Variants in SYT7 observed in about 807,000 individuals in gnomAD.
SYT7 encodes the protein synaptotagmin-7.
Under a neutral mutation model 75.1 loss-of-function variants are expected in SYT7, and 29 were observed. The ratio of observed to expected loss-of-function variants is 0.39; its 90% confidence interval spans 0.29 to 0.53. The LOEUF is 0.53. Among genes scored for constraint, SYT7 ranks in the 20% least tolerant of loss-of-function variants. SYT7 has a pLI of 0.77. For missense variants in SYT7, 693 were observed against 953.2 expected (o/e 0.73, Z 3.59); for synonymous variants, 376 against 401.7 (o/e 0.94, Z 0.76).
intron 8 of SYT7, among the ~76,000 whole-genome samples, chr11:61,530,018 T>C (rs1416100975): frequency 6.6e-6 from 1 of 152,198 alleles, no homozygotes; most frequent in Non-Finnish European, 1.5e-5. Context: ...TTGTCCTCAC[T>C]GACCTCTTAC....
At chr11:61,583,053 C>T (rs1048580209), upstream of SYT7, among the ~76,000 whole-genome samples, 3 of 151,928 alleles carry the variant, frequency 2.0e-5, no homozygotes, top group African/African-American at 7.3e-5. Flanking sequence ...ATGGTGAGAC[C>T]CCATATCTAC....
At position 61,524,304 on chromosome 11, in the gene SYT7, C is replaced by T. The variant is rs775968867; in HGVS notation, c.1641+59G>A. ...CCTAAGGTTGACAAGGGTCTGGGAC[C>T]AGATCTCCCAGCCCTGCCCTGCTGC... On this transcript the variant is annotated intron_variant, in intron 10 of 12. Coordinates refer to ENST00000539008, the MANE Select transcript of SYT7 (RefSeq NM_001365809.2). This position sits in a 1 kb window ranked among gnomAD's most constrained non-coding sequence, Gnocchi z 4.1. The T allele has an allele frequency of 6.3e-7, 1 of 1,590,896 alleles. No individual in the cohort carries two copies. The highest frequency in any genetic ancestry group is 8.6e-7 in the Non-Finnish European group (1 of 1,166,858).
At position 61,523,038 on chromosome 11, in the gene SYT7, GC is replaced by G; in HGVS notation, c.1956+36del. 6.2e-7 allele frequency: 1 copy of G among 1,608,758 alleles called. No homozygotes were observed. On this transcript the variant is annotated intron_variant, in intron 12 of 12. Coordinates refer to ENST00000539008, the MANE Select transcript of SYT7 (RefSeq NM_001365809.2). This position sits in a 1 kb window ranked among gnomAD's most constrained non-coding sequence, Gnocchi z 5.0. ...TTTTAAGGAACGGAGCCTCACTGGT[GC>G]CAGCAGGTGCACCACACCACCTGCC...
At chr11:61,538,488 A>G (rs2062948223) in intron 6 of SYT7, among the ~76,000 whole-genome samples, 1 of 152,186 alleles carries the variant, frequency 6.6e-6, no homozygotes, top group Non-Finnish European at 1.5e-5. Flanking sequence ...CAACAGTTGC[A>G]GGATAGAGTG....
In SYT7 at chr11:61,523,036, G is replaced by C. The variant is rs1250195808; in HGVS notation, c.1956+39C>G. ...TCTTTTAAGGAACGGAGCCTCACTG[G>C]TGCCAGCAGGTGCACCACACCACCT... is the stretch of plus-strand genomic sequence containing the variant. On this transcript the variant is annotated intron_variant, in intron 12 of 12. Transcript: ENST00000539008. The surrounding 1 kb of genome is among the most constrained non-coding windows in gnomAD (Gnocchi z 5.0). 3 of 1,608,634 alleles carry C rather than the reference G, an allele frequency of 1.9e-6. No homozygotes were observed. The East Asian group carries it at 6.7e-5, about 36-fold the overall frequency.
rs1362142017 is a variant in SYT7, at chr11:61,580,583, A to T, written c.31+207T>A. Among the ~76,000 whole-genome samples the T allele has an allele frequency of 6.6e-6, 1 of 152,018 alleles. No individual in the cohort carries two copies. The highest frequency in any genetic ancestry group is 1.5e-5 in the Non-Finnish European group (1 of 67,942). ...ACTGCGAAGCCGGTCCCAGACATCC[A>T]GCCTGGCAGTGTCCAGACTGCGGGG... On this transcript the variant is annotated intron_variant, in intron 1 of 12. Transcript: ENST00000539008. This position sits in a 1 kb window ranked among gnomAD's most constrained non-coding sequence, Gnocchi z 6.1.
chr11:61,583,319 T>G (rs1195974061), upstream of SYT7, among the ~76,000 whole-genome samples: 1 of 151,922 alleles, frequency 6.6e-6, no homozygotes, highest in Non-Finnish European at 1.5e-5. Context: ...CCACTCCAGA[T>G]CCCTCCACCC....
At chr11:61,548,674 C>T (rs566752649) in intron 3 of SYT7, among the ~76,000 whole-genome samples, 1 of 152,260 alleles carries the variant, frequency 6.6e-6, no homozygotes, top group South Asian at 2.1e-4. Flanking sequence ...GGGGCACACC[C>T]CACCCCCCAG....
At chr11:61,562,576 T>C (rs1252078956) in intron 1 of SYT7, among the ~76,000 whole-genome samples, 1 of 152,158 alleles carries the variant, frequency 6.6e-6, no homozygotes, top group East Asian at 1.9e-4. Context: ...TGGTGGTAAA[T>C]GAAATACTGG....
chr11:61,587,782 G>A, the SYT7 span, among the ~76,000 whole-genome samples: 1 of 152,264 alleles, frequency 6.6e-6, no homozygotes, highest in Admixed American at 6.5e-5. Context: ...CCCACCCCGA[G>A]CGCCCCGAGT....
chr11:61,534,197 G>C (rs959160263), intron 7 of SYT7, among the ~76,000 whole-genome samples: 1 of 152,184 alleles, frequency 6.6e-6, no homozygotes, highest in Non-Finnish European at 1.5e-5. Flanking sequence ...AGCTTTGAGA[G>C]CACACAGCCA....
intron 2 of SYT7, among the ~76,000 whole-genome samples, chr11:61,555,589 T>A (rs1255340338): frequency 2.0e-5 from 3 of 151,870 alleles, no homozygotes; most frequent in Non-Finnish European, 4.4e-5. Context: ...TTTGTGCTTG[T>A]ACAAACCCAA....
At chr11:61,564,360 A>G (rs1375671125) in intron 1 of SYT7, among the ~76,000 whole-genome samples, 1 of 152,210 alleles carries the variant, frequency 6.6e-6, no homozygotes, top group African/African-American at 2.4e-5. Context: ...AGGCTCTCAC[A>G]GGCATTGACA....
At chr11:61,532,375 G>A (rs967816706) in intron 8 of SYT7, among the ~76,000 whole-genome samples, 20 of 152,102 alleles carry the variant, frequency 1.3e-4, no homozygotes, top group Non-Finnish European at 1.8e-4. Context: ...CCTCTGTCTG[G>A]GCCAAACAAC....
At position 61,515,069 on chromosome 11, in the gene SYT7, C is replaced by T. The variant is rs901946733; in HGVS notation, c.*3558G>A. On this transcript the variant is annotated 3_prime_UTR_variant, in exon 13 of 13. Coordinates refer to ENST00000539008, the MANE Select transcript of SYT7 (RefSeq NM_001365809.2). ...ACTCTACTCCCAAAAAGCCTTGTGT[C>T]AGGCCTGATCTGGGAGATGTAGCTG... is the stretch of plus-strand genomic sequence containing the variant. 4.6e-5 allele frequency among the ~76,000 whole-genome samples: 7 copies of T among 152,228 alleles called. No individual in the cohort carries two copies. Among genetic ancestry groups the T allele is most frequent in the African/African-American group, 1.7e-4 (7 of 41,460 alleles).
chr11:61,538,071 C>A, intron 7 of SYT7, 73 bp downstream of exon 7: 1 of 1,519,786 alleles, frequency 6.6e-7, no homozygotes, highest in Non-Finnish European at 8.8e-7. Context: ...CAGCCGGGGC[C>A]GGTCGAGGCA....
chr11:61,551,483 A>G lies in SYT7; in HGVS notation c.136-20T>C, dbSNP rs969244121. On this transcript the variant is annotated intron_variant, in intron 2 of 12. Transcript: ENST00000539008. The surrounding 1 kb of genome is among the most constrained non-coding windows in gnomAD (Gnocchi z 5.3). ...TTTGCCCTGTGGAGATAGCACTAGG[A>G]TCACTCCTGGGGAACAGGACTGTAC... 6 of 1,612,548 alleles carry G rather than the reference A, an allele frequency of 3.7e-6. No homozygotes were observed. The highest frequency in any genetic ancestry group is 3.3e-4 in the Middle Eastern group (2 of 6,076).
At chr11:61,555,215 CG>C (rs937064901) in intron 2 of SYT7, among the ~76,000 whole-genome samples, 7 of 152,196 alleles carry the variant, frequency 4.6e-5, no homozygotes, top group Non-Finnish European at 7.3e-5. Flanking sequence ...ATTCTCGGCC[CG>C]GGGAGATGGG....
chr11:61,564,870 T>C (rs1371252748), intron 1 of SYT7, among the ~76,000 whole-genome samples: 1 of 152,138 alleles, frequency 6.6e-6, no homozygotes, highest in Non-Finnish European at 1.5e-5. Flanking sequence ...CCTCAATAGA[T>C]AGAGTCTCAG....
Sources: allele counts gnomAD v4.1 joint callset (sites outside exome capture counted in the v4.1 genomes callset), GRCh38; gene constraint gnomAD v4.1.1; non-coding constraint Gnocchi (gnomAD v3.1); transcripts MANE v1.5; gene names NCBI Gene and HGNC (gene_info 2026-07-23, HGNC 2026-07-21).